The following OMA1 variants were observed in gnomAD, a reference collection of about 807,000 sequenced individuals.
The protein encoded by OMA1 is metalloendopeptidase OMA1, mitochondrial.
Under a neutral mutation model 30.9 loss-of-function variants are expected in OMA1, and 38 were observed. The observed-to-expected ratio is 1.23, with a 90% confidence interval of 0.95 to 1.61. The LOEUF (loss-of-function observed/expected upper bound fraction) is 1.61, where lower values mean the gene tolerates loss of function less well. OMA1 is among the 40% of genes most tolerant of loss of function. The probability of loss-of-function intolerance (pLI) is 0.00; values close to 1 mark genes in which losing one functional copy is unlikely to be tolerated. For missense variants in OMA1, 461 were observed against 349.2 expected, an observed-to-expected ratio of 1.32 and a Z score of -2.55; for synonymous variants, 173 against 121.9, an observed-to-expected ratio of 1.42 and a Z score of -2.76.
chr1:58,530,109 C>T (rs1341856661), intron 6 of OMA1, among the ~76,000 whole-genome samples: 1 of 152,174 alleles, frequency 6.6e-6, no homozygotes, highest in Non-Finnish European at 1.5e-5. Context: ...TCTCAATCTC[C>T]TGACTTCGTG....
chr1:58,522,934 G>C (rs985236918), intron 7 of OMA1, among the ~76,000 whole-genome samples: 1 of 152,222 alleles, frequency 6.6e-6, no homozygotes, highest in African/African-American at 2.4e-5. Context: ...AGGGGTGGCA[G>C]AGGTAGAACG....
chr1:58,489,394 G>A (rs1338722813), intron 8 of OMA1, among the ~76,000 whole-genome samples: 7 of 152,234 alleles, frequency 4.6e-5, no homozygotes, highest in Non-Finnish European at 1.0e-4. Context: ...GAGGCTGGGG[G>A]AGGGGTGCCT....
intron 1 of OMA1, among the ~76,000 whole-genome samples, chr1:58,539,871 G>A (rs1646577506): frequency 6.6e-6 from 1 of 152,118 alleles, no homozygotes; most frequent in Admixed American, 6.5e-5. Flanking sequence ...ATAAAGCTGG[G>A]AGGTCAAGTA....
At chr1:58,514,816 T>C (rs1203941219) in intron 7 of OMA1, among the ~76,000 whole-genome samples, 3 of 152,138 alleles carry the variant, frequency 2.0e-5, no homozygotes, top group Non-Finnish European at 4.4e-5. Context: ...CAGGCAAATA[T>C]AAGATGGAAA....
At chr1:58,504,856 T>C (rs2100413449) in intron 8 of OMA1, among the ~76,000 whole-genome samples, 1 of 152,362 alleles carries the variant, frequency 6.6e-6, no homozygotes, top group Non-Finnish European at 1.5e-5. Flanking sequence ...TCAAGAACCA[T>C]ATCTTATTCC....
chr1:58,538,327 C>T (rs1399260475), intron 2 of OMA1, among the ~76,000 whole-genome samples: 1 of 152,190 alleles, frequency 6.6e-6, no homozygotes, highest in Non-Finnish European at 1.5e-5. Flanking sequence ...TAAGAGTTAA[C>T]TAGGAGTGAG....
At chr1:58,504,512 T>C (rs1645956504) in intron 8 of OMA1, among the ~76,000 whole-genome samples, 1 of 152,176 alleles carries the variant, frequency 6.6e-6, no homozygotes, top group South Asian at 2.1e-4. Flanking sequence ...TTTAATCTGC[T>C]TTATTTTTTC....
intron 5 of OMA1, 64 bp from the exon 6 acceptor site, chr1:58,530,793 T>C: frequency 1.2e-6 from 1 of 804,984 alleles, no homozygotes; most frequent in Non-Finnish European, 2.2e-6. Flanking sequence ...GCTTACATTT[T>C]CTAGTTCATC....
At chr1:58,496,370 T>G (rs1472567362) in intron 8 of OMA1, among the ~76,000 whole-genome samples, 3 of 152,202 alleles carry the variant, frequency 2.0e-5, no homozygotes, top group Non-Finnish European at 4.4e-5. Flanking sequence ...TTCTTTCAGA[T>G]TCTGTCACTT....
At chr1:58,528,687 A>T (rs1443366385) in intron 6 of OMA1, among the ~76,000 whole-genome samples, 1 of 152,170 alleles carries the variant, frequency 6.6e-6, no homozygotes, top group Non-Finnish European at 1.5e-5. Flanking sequence ...GAGATTGAGA[A>T]ATCCTGCTTT....
chr1:58,496,174 T>C (rs967959802), intron 8 of OMA1, among the ~76,000 whole-genome samples: 2 of 152,208 alleles, frequency 1.3e-5, no homozygotes, highest in Admixed American at 1.3e-4. Context: ...TTAGACTTTT[T>C]TTTTTTGGCT....
chr1:58,538,710 T>C, intron 2 of OMA1, 85 bp downstream of exon 2: 1 of 600,964 alleles, frequency 1.7e-6, no homozygotes, highest in Non-Finnish European at 2.9e-6. Flanking sequence ...AATAAAAAAA[T>C]TAATTTCTAA....
chr1:58,500,597 ATTTT>A (rs1235725211), intron 8 of OMA1, among the ~76,000 whole-genome samples: 1 of 152,184 alleles, frequency 6.6e-6, no homozygotes, highest in African/African-American at 2.4e-5. Context: ...TTTGATAAAG[ATTTT>A]TTTAAGTTTC....
At chr1:58,517,853 A>G (rs189475493) in intron 7 of OMA1, among the ~76,000 whole-genome samples, 99 of 151,948 alleles carry the variant, frequency 6.5e-4, no homozygotes, top group African/African-American at 2.3e-3. Flanking sequence ...AGTCTGGAGG[A>G]AAATTCTGGT....
At chr1:58,486,183 G>A (rs1158284937) in intron 8 of OMA1, among the ~76,000 whole-genome samples, 4 of 152,176 alleles carry the variant, frequency 2.6e-5, no homozygotes, top group Admixed American at 2.0e-4. Context: ...CAAAGAGAGG[G>A]GGACAAGGCA....
chr1:58,544,761 T>C (rs946502077), intron 1 of OMA1, among the ~76,000 whole-genome samples: 6 of 152,144 alleles, frequency 3.9e-5, no homozygotes, highest in Non-Finnish European at 8.8e-5. Context: ...ATCTGGCTAA[T>C]TTTTGTATTT....
At chr1:58,515,594 GTTACT>G (rs1646146913) in intron 7 of OMA1, among the ~76,000 whole-genome samples, 1 of 152,118 alleles carries the variant, frequency 6.6e-6, no homozygotes, top group South Asian at 2.1e-4. Context: ...CATTATGAAA[GTTACT>G]TTACAACATA....
intron 7 of OMA1, among the ~76,000 whole-genome samples, chr1:58,508,298 T>G (rs1569914713): frequency 6.6e-6 from 1 of 152,242 alleles, no homozygotes; most frequent in African/African-American, 2.4e-5. Context: ...TTATTTACAT[T>G]TTTCCAATTT....
intron 6 of OMA1, among the ~76,000 whole-genome samples, chr1:58,528,839 T>C (rs970116589): frequency 6.6e-6 from 1 of 152,202 alleles, no homozygotes; most frequent in African/African-American, 2.4e-5. Flanking sequence ...CCAAAATTAT[T>C]GAGGGGCCTT....
Sources: allele counts gnomAD v4.1 joint callset (sites outside exome capture counted in the v4.1 genomes callset), GRCh38; gene constraint gnomAD v4.1.1; transcripts MANE v1.5; gene names NCBI Gene and HGNC (gene_info 2026-07-23, HGNC 2026-07-21).